The following IMMP2L variants were observed in gnomAD, a reference collection of about 807,000 sequenced individuals.
IMMP2L encodes inner mitochondrial membrane peptidase subunit 2.
In IMMP2L, 18 loss-of-function variants were observed where a neutral mutation model predicts 19.3. The ratio of observed to expected loss-of-function variants is 0.93; its 90% CI spans 0.64 to 1.38. IMMP2L has a LOEUF of 1.38. Ranked by LOEUF, IMMP2L falls within the 40% of genes most tolerant of loss-of-function variation. The probability of loss-of-function intolerance (pLI) is 0.00; values close to 1 mark genes in which losing one functional copy is unlikely to be tolerated. For synonymous variants in IMMP2L, 76 were observed against 73.0 expected (o/e 1.04, Z -0.21); for missense variants, 233 against 218.2 (o/e 1.07, Z -0.43).
At chr7:110,860,680 C>T (rs78551018) in intron 5 of IMMP2L, among the ~76,000 whole-genome samples, 1,524 of 152,158 alleles carry the variant, frequency 0.01, 38 homozygotes, top group African/African-American at 0.035. Flanking sequence ...ACTATACTGA[C>T]AGTTCACAAA....
chr7:111,172,951 A>C (rs1806618797), intron 3 of IMMP2L, among the ~76,000 whole-genome samples: 1 of 151,648 alleles, frequency 6.6e-6, no homozygotes, highest in African/African-American at 2.4e-5. Context: ...TAATAGAACT[A>C]CTATTTTCTG....
chr7:111,421,379 C>A (rs1835527019), intron 3 of IMMP2L, among the ~76,000 whole-genome samples: 1 of 149,534 alleles, frequency 6.7e-6, no homozygotes, highest in African/African-American at 2.5e-5. Flanking sequence ...ACGCCATTCT[C>A]CTGCCTCAGC....
At chr7:111,034,442 T>C (rs2129569518) in intron 3 of IMMP2L, among the ~76,000 whole-genome samples, 1 of 152,242 alleles carries the variant, frequency 6.6e-6, no homozygotes, top group South Asian at 2.1e-4. Flanking sequence ...ATGAGTTGCG[T>C]CTTAAGAGGT....
At chr7:111,277,858 A>G (rs900989512) in intron 3 of IMMP2L, among the ~76,000 whole-genome samples, 8 of 152,206 alleles carry the variant, frequency 5.3e-5, no homozygotes, top group Non-Finnish European at 1.0e-4. Context: ...AGAAGACTGG[A>G]TAAAGAAAAT....
rs776324231 is a variant in IMMP2L at position 110,938,858 on chromosome 7, AT to A, written c.305+24641del. Among the ~76,000 whole-genome samples the A allele has an allele frequency of 3.3e-5, 5 of 152,246 alleles. No individual in the cohort carries two copies. In the East Asian group the frequency reaches 7.7e-4, roughly 24 times the overall value. ...GGAGTGAGATAGAATGAAGATATTAATGTTGGATCCTTTTATATGCAAATAA... is the reference window on the plus strand; with the variant it reads ...GGAGTGAGATAGAATGAAGATATTAAGTTGGATCCTTTTATATGCAAATAA... On this transcript the variant is annotated intron_variant, in intron 4 of 5. Transcript: ENST00000405709.
At chr7:111,363,397 G>C (rs1403828142) in intron 3 of IMMP2L, among the ~76,000 whole-genome samples, 1 of 152,046 alleles carries the variant, frequency 6.6e-6, no homozygotes. Context: ...AAGAAGCAGA[G>C]AAATAATTTT....
At chr7:111,299,328 C>T (rs901250993) in intron 3 of IMMP2L, among the ~76,000 whole-genome samples, 1 of 152,102 alleles carries the variant, frequency 6.6e-6, no homozygotes, top group African/African-American at 2.4e-5. Flanking sequence ...GGCCAGAATA[C>T]CAAACAGTGG....
At chr7:111,185,511 G>A (rs967562283) in intron 3 of IMMP2L, among the ~76,000 whole-genome samples, 1 of 152,070 alleles carries the variant, frequency 6.6e-6, no homozygotes, top group Non-Finnish European at 1.5e-5. Flanking sequence ...AAATCTACAG[G>A]TTGTGAGCAT....
intron 5 of IMMP2L, among the ~76,000 whole-genome samples, chr7:110,801,483 T>A (rs1031073765): frequency 6.6e-6 from 1 of 152,084 alleles, no homozygotes; most frequent in South Asian, 2.1e-4. Flanking sequence ...CACTGAACAA[T>A]AAGGATTGCC....
Position 111,403,076 on chromosome 7 carries a change from G to A in IMMP2L, c.239+84162C>T, listed in dbSNP as rs527246615. The stretch of plus-strand genomic sequence containing the variant: ...TGGGACTACAGGTGCAAGCTACCAC[G>A]ACCGTGATATGGTTTGGCTCTGTGT... On this transcript the variant is annotated intron_variant, in intron 3 of 5. Transcript: ENST00000405709. Among the ~76,000 whole-genome samples the A allele has an allele frequency of 1.5e-3, 214 of 141,184 alleles. 1 individual carries two copies. Among genetic ancestry groups the A allele is most frequent in the Admixed American group, 3.8e-3 (49 of 12,762 alleles). 92.6% of individuals were successfully genotyped at this position (141,184 alleles called of 152,430 possible).
chr7:111,080,512 G>A (rs113918813), intron 3 of IMMP2L, among the ~76,000 whole-genome samples: 3 of 107,546 alleles, frequency 2.8e-5, no homozygotes, highest in Admixed American at 9.9e-5. Context: ...AATATATAAT[G>A]TGTGTATAAT....
At chr7:111,380,157 T>C (rs555475164) in intron 3 of IMMP2L, among the ~76,000 whole-genome samples, 1 of 152,104 alleles carries the variant, frequency 6.6e-6, no homozygotes, top group African/African-American at 2.4e-5. Context: ...TTCACAGTAT[T>C]ACGTCTTTTT....
chr7:111,055,733 T>C (rs956659991), intron 3 of IMMP2L, among the ~76,000 whole-genome samples: 1 of 152,168 alleles, frequency 6.6e-6, no homozygotes, highest in East Asian at 1.9e-4. Context: ...AAGGACATAA[T>C]GGGTAGAGGG....
intron 4 of IMMP2L, among the ~76,000 whole-genome samples, chr7:110,887,041 A>G (rs1461992089): frequency 6.6e-6 from 1 of 152,034 alleles, no homozygotes; most frequent in East Asian, 1.9e-4. Flanking sequence ...TTTTTTTAAC[A>G]TTTGCTTTTA....
chr7:110,871,065 T>C (rs1343460810), intron 5 of IMMP2L, among the ~76,000 whole-genome samples: 1 of 151,714 alleles, frequency 6.6e-6, no homozygotes, highest in Admixed American at 6.6e-5. Context: ...TAAAAGGCCT[T>C]ACCAGGCAGT....
At chr7:111,515,232 A>G (rs1166772128) in intron 2 of IMMP2L, among the ~76,000 whole-genome samples, 1 of 152,140 alleles carries the variant, frequency 6.6e-6, no homozygotes, top group African/African-American at 2.4e-5. Context: ...CTGTAAATTA[A>G]TATCTCAGTT....
intron 5 of IMMP2L, among the ~76,000 whole-genome samples, chr7:110,852,926 A>C (rs1263742153): frequency 1.3e-5 from 2 of 152,044 alleles, no homozygotes; most frequent in Non-Finnish European, 2.9e-5. Flanking sequence ...GATGATACAA[A>C]AGTGGAGCAG....
chr7:110,892,524 A>T (rs1048552084), intron 4 of IMMP2L, among the ~76,000 whole-genome samples: 1 of 152,120 alleles, frequency 6.6e-6, no homozygotes, highest in African/African-American at 2.4e-5. Context: ...GCCTTTTGTC[A>T]GTCACTTTTC....
At chr7:111,510,177 A>T (rs942249743) in intron 2 of IMMP2L, among the ~76,000 whole-genome samples, 2 of 152,188 alleles carry the variant, frequency 1.3e-5, no homozygotes, top group Non-Finnish European at 1.5e-5. Flanking sequence ...GAGAAAAGGT[A>T]TAATAATGAG....
Sources: allele counts gnomAD v4.1 joint callset (sites outside exome capture counted in the v4.1 genomes callset), GRCh38; gene constraint gnomAD v4.1.1; transcripts MANE v1.5; gene names NCBI Gene and HGNC (gene_info 2026-07-23, HGNC 2026-07-21).